SMIM13: variants seen among roughly 807,000 people sequenced by gnomAD.
SMIM13 encodes UPF0766 protein C6orf228.
Under a neutral mutation model 5.9 loss-of-function variants are expected in SMIM13, and 3 were observed. The observed-to-expected ratio is 0.51, with a 90% CI of 0.23 to 1.31. The LOEUF is 1.31. SMIM13 is among the 40% of genes most tolerant of loss of function. The pLI is 0.18. For missense variants in SMIM13, 85 were observed against 109.9 expected (o/e 0.77, Z 1.01); for synonymous variants, 55 against 46.0 (o/e 1.19, Z -0.79).
At position 11,137,502 on chromosome 6, in the gene SMIM13, TA is replaced by T. The variant is rs1025876228; in HGVS notation, c.*2904del. 4 of 152,196 alleles carry T rather than the reference TA, an allele frequency of 2.6e-5. No individual in the cohort carries two copies. Among genetic ancestry groups the T allele is most frequent in the Admixed American group, 2.6e-4 (4 of 15,278 alleles). The allele number at this position is 152,196 out of a possible 1,614,324, so 9.4% of individuals were successfully genotyped here. On this transcript the variant is annotated 3_prime_UTR_variant, in exon 2 of 2. Transcript: ENST00000416247. ...CTAGCCTGTGGTTAATTTTAGAGCT[TA>T]AAAGTTTATAAGCATTAAAAACACA... is the stretch of plus-strand genomic sequence containing the variant.
chr6:11,127,705 C>T (rs1048306278), intron 1 of SMIM13, among the ~76,000 whole-genome samples: 1 of 152,174 alleles, frequency 6.6e-6, no homozygotes, highest in South Asian at 2.1e-4. Flanking sequence ...ACCAGGAGAA[C>T]AGTATGGGGG....
At chr6:11,129,589 T>C (rs1340817272) in intron 1 of SMIM13, among the ~76,000 whole-genome samples, 1 of 152,158 alleles carries the variant, frequency 6.6e-6, no homozygotes, top group East Asian at 1.9e-4. Context: ...CTGTTTTTAG[T>C]TTTTTGAGGA....
intron 1 of SMIM13, chr6:11,104,738 C>T (rs917003507): frequency 6.2e-7 from 1 of 1,614,188 alleles, no homozygotes; most frequent in South Asian, 1.1e-5. Context: ...CCTGGCAAAA[C>T]CGGCTGGATT....
intron 1 of SMIM13, among the ~76,000 whole-genome samples, chr6:11,097,027 G>A (rs1199332456): frequency 6.6e-6 from 1 of 152,116 alleles, no homozygotes; most frequent in Non-Finnish European, 1.5e-5. Context: ...TAGTAGAGAT[G>A]CGGTTTCTCC....
At chr6:11,098,727 C>T (rs12215910) in intron 1 of SMIM13, among the ~76,000 whole-genome samples, 19,022 of 152,232 alleles carry the variant, frequency 0.12, 1,478 homozygotes, top group Non-Finnish European at 0.18. Context: ...GCCACCATGC[C>T]GGGTCCATTC....
At chr6:11,107,852 CTT>C (rs2113647293) in intron 1 of SMIM13, among the ~76,000 whole-genome samples, 2 of 152,334 alleles carry the variant, frequency 1.3e-5, no homozygotes, top group South Asian at 4.1e-4. Context: ...TGAAATCCCT[CTT>C]TGGCCTCCAG....
At chr6:11,124,684 T>C (rs980340880) in intron 1 of SMIM13, among the ~76,000 whole-genome samples, 7 of 152,232 alleles carry the variant, frequency 4.6e-5, no homozygotes, top group Non-Finnish European at 1.0e-4. Flanking sequence ...GCAATCGTTA[T>C]TGTCTATCCT....
chr6:11,094,919 C>T lies in SMIM13; in HGVS notation c.76+530C>T, dbSNP rs145111560. Among the ~76,000 whole-genome samples the T allele has an allele frequency of 6.6e-5, 10 of 152,288 alleles. No individual in the cohort carries two copies. The East Asian group carries it at 1.9e-3, about 29-fold the overall frequency. On this transcript the variant is annotated intron_variant, in intron 1 of 1. Transcript: ENST00000416247. The stretch of plus-strand genomic sequence containing the variant: ...GCTTAGAAACACCGGCTATATTAAA[C>T]TTGCAGGGTCGGGTAACCTAACTCT...
At chr6:11,134,036 C>T (rs1471848829) in intron 1 of SMIM13, among the ~76,000 whole-genome samples, 1 of 151,550 alleles carries the variant, frequency 6.6e-6, no homozygotes, top group Non-Finnish European at 1.5e-5. Context: ...TAAATAGCAC[C>T]GAGATATGAA....
At chr6:11,103,547 T>G in intron 1 of SMIM13, 1 of 1,205,306 alleles carries the variant, frequency 8.3e-7, no homozygotes, top group Non-Finnish European at 1.1e-6. Context: ...GCTGTAGTGG[T>G]TGTTCTGTGG....
intron 1 of SMIM13, among the ~76,000 whole-genome samples, chr6:11,125,488 C>T (rs1168041586): frequency 2.6e-5 from 4 of 151,978 alleles, no homozygotes; most frequent in Admixed American, 6.6e-5. Flanking sequence ...CTCAGCTACT[C>T]GGGAGTCTGA....
At chr6:11,123,240 C>A (rs899691730) in intron 1 of SMIM13, among the ~76,000 whole-genome samples, 2 of 152,092 alleles carry the variant, frequency 1.3e-5, no homozygotes, top group Non-Finnish European at 2.9e-5. Flanking sequence ...AAAATGGAGC[C>A]GCTGTGCAGA....
chr6:11,107,683 A>G (rs564635819), intron 1 of SMIM13, among the ~76,000 whole-genome samples: 29 of 152,244 alleles, frequency 1.9e-4, no homozygotes, highest in African/African-American at 6.8e-4. Context: ...GAAGAATTAC[A>G]TATGAGTTGG....
intron 1 of SMIM13, among the ~76,000 whole-genome samples, chr6:11,124,321 G>A (rs530661894): frequency 6.6e-5 from 10 of 152,266 alleles, no homozygotes; most frequent in African/African-American, 2.4e-4. Context: ...GCAAGTGACA[G>A]GATCTCATTC....
intron 1 of SMIM13, among the ~76,000 whole-genome samples, chr6:11,096,595 G>C (rs1757926727): frequency 6.6e-6 from 1 of 152,186 alleles, no homozygotes; most frequent in Non-Finnish European, 1.5e-5. Flanking sequence ...ACTTAAGAGA[G>C]AAATTGGAGT....
intron 1 of SMIM13, among the ~76,000 whole-genome samples, chr6:11,128,094 C>T (rs190752387): frequency 3.2e-4 from 48 of 152,268 alleles, no homozygotes; most frequent in Admixed American, 1.2e-3. Flanking sequence ...AGAGTTTCTC[C>T]GCATAGCCAC....
intron 1 of SMIM13, among the ~76,000 whole-genome samples, chr6:11,120,304 G>A (rs143047965): frequency 2.0e-5 from 3 of 152,126 alleles, no homozygotes; most frequent in Non-Finnish European, 2.9e-5. Flanking sequence ...TATAAACAAC[G>A]GAAGTTTATT....
intron 1 of SMIM13, among the ~76,000 whole-genome samples, chr6:11,114,849 C>T (rs1561756112): frequency 6.6e-6 from 1 of 152,050 alleles, no homozygotes. Flanking sequence ...ATCCACCTAC[C>T]TTGGCCTCCC....
intron 1 of SMIM13, among the ~76,000 whole-genome samples, chr6:11,108,391 C>T (rs2113647855): frequency 6.6e-6 from 1 of 152,326 alleles, no homozygotes; most frequent in Non-Finnish European, 1.5e-5. Context: ...GGGCCCCCTT[C>T]AGCTCAAGGA....
Sources: gnomAD v4.1 joint callset for allele counts (sites outside exome capture counted in the v4.1 genomes callset) on GRCh38, gnomAD v4.1.1 for gene constraint, MANE v1.5 for transcripts, NCBI Gene and HGNC (gene_info 2026-07-23, HGNC 2026-07-21) for gene names.